RNF150: variants seen among roughly 807,000 people sequenced by gnomAD.
RNF150 encodes the protein ring finger protein 150.
A neutral mutation model predicts 39.3 loss-of-function variants in RNF150; 24 were observed. That is an observed-to-expected ratio of 0.61 (90% CI 0.44 to 0.86). The LOEUF (loss-of-function observed/expected upper bound fraction) is 0.86, where lower values mean the gene tolerates loss of function less well. RNF150 is among the 40% of genes least tolerant of loss of function. The probability of loss-of-function intolerance (pLI) is 0.00; values close to 1 mark genes in which losing one functional copy is unlikely to be tolerated. For missense variants in RNF150, 502 were observed against 587.8 expected, an observed-to-expected ratio of 0.85 and a Z score of 1.51; for synonymous variants, 255 against 227.3, an observed-to-expected ratio of 1.12 and a Z score of -1.10.
chr4:140,904,026 C>A (rs192785195), intron 6 of RNF150, among the ~76,000 whole-genome samples: 19 of 152,280 alleles, frequency 1.2e-4, no homozygotes, highest in Non-Finnish European at 1.6e-4. Context: ...AATGTTATTG[C>A]GGAAAACCCT....
intron 1 of RNF150, among the ~76,000 whole-genome samples, chr4:141,038,988 G>A (rs1736253931): frequency 6.6e-6 from 1 of 152,136 alleles, no homozygotes; most frequent in South Asian, 2.1e-4. Context: ...CTGATAGACT[G>A]AGGTTAAGGT....
chr4:141,047,927 C>T (rs963761286), intron 1 of RNF150, among the ~76,000 whole-genome samples: 2 of 152,078 alleles, frequency 1.3e-5, no homozygotes, highest in African/African-American at 2.4e-5. Flanking sequence ...AGCCACCTAC[C>T]AGTAGTGATA....
At chr4:141,138,389 A>G (rs1727061362), upstream of RNF150, among the ~76,000 whole-genome samples, 1 of 152,160 alleles carries the variant, frequency 6.6e-6, no homozygotes, top group African/African-American at 2.4e-5. Context: ...AGGCTCCTAG[A>G]TAACTGTCCC....
chr4:140,915,410 G>C (rs1730778046), intron 5 of RNF150, among the ~76,000 whole-genome samples: 1 of 152,152 alleles, frequency 6.6e-6, no homozygotes, highest in Non-Finnish European at 1.5e-5. Context: ...TTAACACATA[G>C]TGCTACCCAA....
chr4:140,942,486 G>T (rs1173858309), intron 4 of RNF150, among the ~76,000 whole-genome samples: 1 of 152,220 alleles, frequency 6.6e-6, no homozygotes, highest in Admixed American at 6.5e-5. Context: ...ACCTCCCCCT[G>T]TTCCCAAATA....
At chr4:140,923,745 T>G (rs372708506) in intron 5 of RNF150, among the ~76,000 whole-genome samples, 9 of 152,212 alleles carry the variant, frequency 5.9e-5, no homozygotes, top group African/African-American at 1.2e-4. Flanking sequence ...TGATAGACTG[T>G]ATTAAGAAAA....
At chr4:141,106,861 A>T (rs1739228000) in intron 1 of RNF150, among the ~76,000 whole-genome samples, 1 of 152,098 alleles carries the variant, frequency 6.6e-6, no homozygotes, top group Non-Finnish European at 1.5e-5. Context: ...TAGTCTTTCC[A>T]TCTACAATGT....
At chr4:141,012,323 T>C (rs1323874499) in intron 1 of RNF150, among the ~76,000 whole-genome samples, 1 of 152,182 alleles carries the variant, frequency 6.6e-6, no homozygotes, top group African/African-American at 2.4e-5. Flanking sequence ...GGCTGTGAAG[T>C]TGCAAGAATT....
chr4:140,899,164 T>C (rs977654071), intron 6 of RNF150, among the ~76,000 whole-genome samples: 3 of 152,216 alleles, frequency 2.0e-5, no homozygotes, highest in Non-Finnish European at 4.4e-5. Flanking sequence ...GAAGTACTGC[T>C]GCCCTGAAAC....
At chr4:141,181,640 T>C (rs898068294) in intron 1 of RNF150, among the ~76,000 whole-genome samples, 17 of 152,160 alleles carry the variant, frequency 1.1e-4, no homozygotes, top group South Asian at 4.1e-4. Context: ...TCTCTCTAAT[T>C]TTTTACTGTC....
intron 4 of RNF150, among the ~76,000 whole-genome samples, chr4:140,939,850 AACT>A (rs1158269249): frequency 6.6e-6 from 1 of 152,174 alleles, no homozygotes; most frequent in Non-Finnish European, 1.5e-5. Context: ...AGTCATTTTC[AACT>A]ACTCCAAACG....
chr4:141,020,829 G>C (rs1735463225), intron 1 of RNF150, among the ~76,000 whole-genome samples: 1 of 152,132 alleles, frequency 6.6e-6, no homozygotes, highest in African/African-American at 2.4e-5. Flanking sequence ...ACAGAGGGTT[G>C]AGGATGAGAT....
intron 1 of RNF150, among the ~76,000 whole-genome samples, chr4:141,090,434 A>G (rs1370169564): frequency 6.6e-6 from 1 of 152,190 alleles, no homozygotes; most frequent in Non-Finnish European, 1.5e-5. Flanking sequence ...AACCAAACAA[A>G]ATTTAATGAG....
intron 1 of RNF150, among the ~76,000 whole-genome samples, chr4:140,983,033 A>G (rs1341134841): frequency 2.0e-5 from 3 of 152,166 alleles, no homozygotes; most frequent in Non-Finnish European, 4.4e-5. Context: ...ATGACCACAA[A>G]TCTTTAAAAA....
chr4:140,906,354 T>TA (rs1465469349), intron 6 of RNF150, among the ~76,000 whole-genome samples: 1 of 151,938 alleles, frequency 6.6e-6, no homozygotes, highest in African/African-American at 2.4e-5. Context: ...ATAATATAAA[T>TA]AAAAAGTCAA....
chr4:141,120,085 G>A (rs556862250), intron 1 of RNF150, among the ~76,000 whole-genome samples: 6 of 152,168 alleles, frequency 3.9e-5, no homozygotes, highest in African/African-American at 4.8e-5. Context: ...CCTTTTCTAC[G>A]CCAGGCTCTA....
At chr4:140,962,339 T>C (rs1197892553) in intron 2 of RNF150, among the ~76,000 whole-genome samples, 1 of 151,962 alleles carries the variant, frequency 6.6e-6, no homozygotes, top group Admixed American at 6.6e-5. Flanking sequence ...CCACATTTCA[T>C]GTGGCCACCA....
At chr4:141,009,607 G>A (rs1158916332) in intron 1 of RNF150, among the ~76,000 whole-genome samples, 2 of 152,100 alleles carry the variant, frequency 1.3e-5, no homozygotes, top group Non-Finnish European at 2.9e-5. Flanking sequence ...CTCAAGAAAT[G>A]TTAGTTATTA....
intron 1 of RNF150, among the ~76,000 whole-genome samples, chr4:141,072,063 G>A (rs761742176): frequency 6.6e-5 from 10 of 152,238 alleles, no homozygotes; most frequent in South Asian, 4.1e-4. Context: ...TCAGATTTGC[G>A]TGCTAAACAA....
Sources: allele counts gnomAD v4.1 joint callset (sites outside exome capture counted in the v4.1 genomes callset), GRCh38; gene constraint gnomAD v4.1.1; transcripts MANE v1.5; gene names NCBI Gene and HGNC (gene_info 2026-07-23, HGNC 2026-07-21).